ABHD18: variants seen among roughly 807,000 people sequenced by gnomAD.
The protein encoded by ABHD18 is abhydrolase domain containing 18.
Under a neutral mutation model 65.9 loss-of-function variants are expected in ABHD18, and 55 were observed. The ratio of observed to expected loss-of-function variants is 0.84; its 90% CI spans 0.67 to 1.05. The LOEUF is 1.05. Ranked by LOEUF, ABHD18 falls within the 50% of genes least tolerant of loss-of-function variation. The pLI, the probability that ABHD18 is intolerant of heterozygous loss-of-function variation, is 0.00. For synonymous variants in ABHD18, 181 were observed against 180.2 expected (o/e 1.00, Z -0.04); for missense variants, 533 against 558.5 (o/e 0.95, Z 0.46).
intron 3 of ABHD18, among the ~76,000 whole-genome samples, chr4:127,986,191 C>T (rs1749922374): frequency 6.6e-6 from 1 of 152,202 alleles, no homozygotes; most frequent in Non-Finnish European, 1.5e-5. Context: ...TCTTCCCCCA[C>T]CTGCTGGCAA....
At chr4:128,008,487 C>G (rs1006208315) in intron 4 of ABHD18, among the ~76,000 whole-genome samples, 18 of 151,940 alleles carry the variant, frequency 1.2e-4, no homozygotes, top group African/African-American at 4.3e-4. Flanking sequence ...GTTGATTAGG[C>G]TGGTCTCGAA....
intron 4 of ABHD18, among the ~76,000 whole-genome samples, chr4:128,008,681 A>G (rs1754054234): frequency 6.6e-6 from 1 of 152,232 alleles, no homozygotes; most frequent in Non-Finnish European, 1.5e-5. Context: ...GGTAAAGAAT[A>G]GGGACAATAA....
intron 10 of ABHD18, among the ~76,000 whole-genome samples, chr4:128,021,675 C>A (rs547704524): frequency 5.3e-5 from 8 of 152,108 alleles, no homozygotes; most frequent in South Asian, 4.2e-4. Context: ...AATAAAAATT[C>A]TTTTAAAATA....
intron 4 of ABHD18, among the ~76,000 whole-genome samples, chr4:128,000,041 C>G (rs1039877611): frequency 7.9e-5 from 12 of 152,152 alleles, no homozygotes; most frequent in Admixed American, 2.6e-4. Flanking sequence ...GGGAAACTCC[C>G]CTTTTTAAAA....
intron 4 of ABHD18, chr4:128,001,862 C>A (rs1240787623): frequency 8.2e-7 from 1 of 1,226,212 alleles, no homozygotes. Flanking sequence ...TTTTTTAATT[C>A]CTTGTGCCTG....
rs536442842 is a variant in ABHD18 at position 127,996,408 on chromosome 4, G to A, written c.278+6587G>A. ...AGGACCATGATGGCGACCCCGAGCC[G>A]CAAAATCAGCAAGTTTTTATTAGGG... On this transcript the variant is annotated intron_variant, in intron 4 of 12. Coordinates refer to ENST00000645843, the MANE Select transcript of ABHD18 (RefSeq NM_001358451.3). Among the ~76,000 whole-genome samples the A allele has an allele frequency of 9.2e-5, 14 of 151,836 alleles. No individual in the cohort carries two copies. In the South Asian group the frequency reaches 1.5e-3, roughly 16 times the overall value.
At chr4:127,973,198 T>C (rs1013494807) in intron 1 of ABHD18, among the ~76,000 whole-genome samples, 10 of 152,228 alleles carry the variant, frequency 6.6e-5, no homozygotes, top group South Asian at 4.1e-4. Flanking sequence ...GTATTTTTCA[T>C]AGAGGCAGAG....
chr4:128,031,176 TG>T, intron 12 of ABHD18: 1 of 983,586 alleles, frequency 1.0e-6, no homozygotes, highest in Non-Finnish European at 1.2e-6. Context: ...TTATGCTGGC[TG>T]GGCGCGGTGG....
Position 128,036,184 on chromosome 4 carries a change from G to T in ABHD18, c.*371G>T, listed in dbSNP as rs187790550. 73 of 155,772 alleles carry T rather than the reference G, an allele frequency of 4.7e-4. No individual in the cohort carries two copies. The highest frequency in any genetic ancestry group is 1.6e-3 in the African/African-American group (66 of 41,706). The allele number at this position is 155,772 out of a possible 1,614,324, so 9.6% of individuals were successfully genotyped here. On this transcript the variant is annotated 3_prime_UTR_variant, in exon 13 of 13. Coordinates refer to ENST00000645843, the MANE Select transcript of ABHD18 (RefSeq NM_001358451.3). ...TAGTAAAATTGCTAAATCAAACCAA[G>T]ATTTTAATATATCAGCATTTACTTT...
intron 4 of ABHD18, among the ~76,000 whole-genome samples, chr4:127,992,162 G>T (rs1372112341): frequency 2.0e-5 from 3 of 151,996 alleles, no homozygotes. Flanking sequence ...ATCTGGTAGG[G>T]TTGTTAAAAG....
At chr4:128,025,443 T>A (rs1757201395) in intron 10 of ABHD18, among the ~76,000 whole-genome samples, 2 of 150,688 alleles carry the variant, frequency 1.3e-5, no homozygotes, top group Non-Finnish European at 2.9e-5. Flanking sequence ...CAGCCTCACT[T>A]CCCTTTTTTA....
intron 7 of ABHD18, among the ~76,000 whole-genome samples, chr4:128,012,191 G>A (rs920897317): frequency 1.3e-5 from 2 of 152,016 alleles, no homozygotes; most frequent in South Asian, 4.1e-4. Context: ...TGGTCAGGCT[G>A]GTCTCAAACT....
At chr4:128,023,130 C>CA (rs1014571879) in intron 10 of ABHD18, among the ~76,000 whole-genome samples, 7 of 150,656 alleles carry the variant, frequency 4.6e-5, no homozygotes, top group Admixed American at 1.3e-4. Context: ...TAAGAAACTT[C>CA]AAAAAAAAGA....
At chr4:127,966,000 A>C (rs1027233645) in intron 1 of ABHD18, 1 of 152,314 alleles carries the variant, frequency 6.6e-6, no homozygotes, top group Non-Finnish European at 1.5e-5. Context: ...CGGGGGCCTC[A>C]GCCTTGCAAA....
chr4:127,994,611 A>C (rs1366618234), intron 4 of ABHD18, among the ~76,000 whole-genome samples: 1 of 152,152 alleles, frequency 6.6e-6, no homozygotes, highest in Non-Finnish European at 1.5e-5. Context: ...AAAACAAACA[A>C]AATGTCCATT....
At chr4:128,024,666 T>A (rs1757067877) in intron 10 of ABHD18, among the ~76,000 whole-genome samples, 1 of 152,154 alleles carries the variant, frequency 6.6e-6, no homozygotes, top group Non-Finnish European at 1.5e-5. Flanking sequence ...TGTTCGGTAT[T>A]TTTGTTTTCC....
chr4:127,978,500 A>AT (rs1470533722), intron 1 of ABHD18, among the ~76,000 whole-genome samples: 1 of 152,192 alleles, frequency 6.6e-6, no homozygotes, highest in East Asian at 1.9e-4. Context: ...TGTAAATATA[A>AT]TTTGTAAAAT....
At chr4:127,970,802 T>C (rs937050058) in intron 1 of ABHD18, among the ~76,000 whole-genome samples, 22 of 151,318 alleles carry the variant, frequency 1.5e-4, no homozygotes, top group African/African-American at 4.1e-4. Flanking sequence ...AGGCTGGGCA[T>C]GGTGACTCAC....
chr4:128,014,235 A>C (rs1755099000), intron 7 of ABHD18, among the ~76,000 whole-genome samples: 2 of 152,096 alleles, frequency 1.3e-5, no homozygotes, highest in African/African-American at 2.4e-5. Flanking sequence ...CTCCCGCCTC[A>C]GCCCCCCAAA....
Sources: allele counts gnomAD v4.1 joint callset (sites outside exome capture counted in the v4.1 genomes callset), GRCh38; gene constraint gnomAD v4.1.1; transcripts MANE v1.5; gene names NCBI Gene and HGNC (gene_info 2026-07-23, HGNC 2026-07-21).